Variants in HHIPL1 observed in about 807,000 individuals in gnomAD.
HHIPL1 encodes the protein HHIP-like protein 1.
A neutral mutation model predicts 61.8 loss-of-function variants in HHIPL1; 43 were observed. The observed-to-expected ratio is 0.70, with a 90% CI of 0.55 to 0.90. HHIPL1 has a LOEUF of 0.90. HHIPL1 is among the 40% of genes least tolerant of loss of function. The pLI is 0.00. For synonymous variants in HHIPL1, 482 were observed against 515.8 expected (o/e 0.93, Z 0.89); for missense variants, 1,056 against 1,157.7 (o/e 0.91, Z 1.28).
At position 99,676,191 on chromosome 14, in the gene HHIPL1, T is replaced by C. The variant is rs1370295017; in HGVS notation, c.*565T>C. 3.3e-5 allele frequency: 5 copies of C among 153,178 alleles called. No homozygotes were observed. The highest frequency in any genetic ancestry group is 7.3e-5 in the Non-Finnish European group (5 of 68,892). 9.5% of individuals were successfully genotyped at this position (153,178 alleles called of 1,614,324 possible). A position where few individuals can be genotyped will look rare whatever the true frequency, so the allele number is the denominator to read the frequency against. On this transcript the variant is annotated 3_prime_UTR_variant, in exon 9 of 9. Coordinates refer to ENST00000330710, the MANE Select transcript of HHIPL1 (RefSeq NM_001127258.3). ...GGCATCCAGTGGGGAAGGGAAAGCCTTCTGGAAGGTGGGAGCAGGGTGAGC... is the reference window on the plus strand; with the variant it reads ...GGCATCCAGTGGGGAAGGGAAAGCCCTCTGGAAGGTGGGAGCAGGGTGAGC...
Position 99,660,536 on chromosome 14 carries a change from T to A in HHIPL1, c.1502+130T>A. The A allele has an allele frequency of 8.8e-7, 1 of 1,139,590 alleles. No homozygotes were observed. The highest frequency in any genetic ancestry group is 1.3e-6 in the Non-Finnish European group (1 of 796,436). The allele number at this position is 1,139,590 out of a possible 1,614,324, so 70.6% of individuals were successfully genotyped here. On this transcript the variant is annotated intron_variant, in intron 5 of 8. Coordinates refer to ENST00000330710, the MANE Select transcript of HHIPL1 (RefSeq NM_001127258.3). The surrounding 1 kb of genome is among the most constrained non-coding windows in gnomAD (Gnocchi z 4.9). ...GCCTCGCTGCTCTGACAGGGGCCCC[T>A]AGGTGTGGGCCGGACACCCGCATCC...
intron 4 of HHIPL1, 99 bp downstream of exon 4, chr14:99,659,855 C>CCCT (rs1555377806): frequency 1.8e-6 from 1 of 563,310 alleles, no homozygotes; most frequent in Non-Finnish European, 2.6e-6. Context: ...CACCCCCCCC[C>CCCT]CCCCGGAGAT....
upstream of HHIPL1, chr14:99,645,117 G>A: frequency 8.6e-7 from 1 of 1,160,150 alleles, no homozygotes; most frequent in Non-Finnish European, 1.1e-6. Flanking sequence ...TGTAGGGAAG[G>A]GGAGCGCCCG....
At chr14:99,639,887 C>A in the HHIPL1 span, among the ~76,000 whole-genome samples, 5 of 151,920 alleles carry the variant, frequency 3.3e-5, no homozygotes, top group African/African-American at 1.2e-4. Flanking sequence ...GTCTCGAACT[C>A]CTGACCTCGT....
chr14:99,648,961 G>T (rs2055884092), intron 1 of HHIPL1, among the ~76,000 whole-genome samples: 1 of 152,208 alleles, frequency 6.6e-6, no homozygotes, highest in African/African-American at 2.4e-5. Context: ...TGCACTGAAT[G>T]GCCCGGGCGG....
At chr14:99,634,071 G>C in the HHIPL1 span, among the ~76,000 whole-genome samples, 1 of 152,340 alleles carries the variant, frequency 6.6e-6, no homozygotes, top group South Asian at 2.1e-4. Flanking sequence ...GCTGCAGAGC[G>C]TTTCTGCAGA....
chr14:99,605,127 G>A, the HHIPL1 span, among the ~76,000 whole-genome samples: 1 of 152,168 alleles, frequency 6.6e-6, no homozygotes, highest in African/African-American at 2.4e-5. Context: ...CTCCACCTCC[G>A]CTCACTCGAC....
At chr14:99,637,128 G>GAAAAGAA in the HHIPL1 span, among the ~76,000 whole-genome samples, 2 of 29,506 alleles carry the variant, frequency 6.8e-5, no homozygotes, top group African/African-American at 1.5e-4. Flanking sequence ...AGAAAAGAAA[G>GAAAAGAA]AGAGAGAGAG....
the HHIPL1 span, among the ~76,000 whole-genome samples, chr14:99,632,566 C>A: frequency 6.6e-6 from 1 of 152,184 alleles, no homozygotes; most frequent in Admixed American, 6.5e-5. Flanking sequence ...AAGCTCTGAG[C>A]AGGCTATCAC....
At chr14:99,620,271 G>A in the HHIPL1 span, among the ~76,000 whole-genome samples, 1 of 152,354 alleles carries the variant, frequency 6.6e-6, no homozygotes, top group South Asian at 2.1e-4. Flanking sequence ...GGGCAGAAAG[G>A]AGGCCTTGAA....
In HHIPL1 at chr14:99,660,430, C is replaced by T; in HGVS notation, c.1502+24C>T. 6.3e-7 allele frequency: 1 copy of T among 1,599,408 alleles called. No individual in the cohort carries two copies. ...GGGTAAGTGACCTAGTGCCCTCGCG[C>T]CCCTGGCTGCTGCCACTGGCTCCTT... On this transcript the variant is annotated intron_variant, in intron 5 of 8. Transcript: ENST00000330710. This position sits in a 1 kb window ranked among gnomAD's most constrained non-coding sequence, Gnocchi z 4.9.
the HHIPL1 span, among the ~76,000 whole-genome samples, chr14:99,607,021 C>CTTTT: frequency 1.7e-3 from 117 of 68,424 alleles, 24 homozygotes; most frequent in African/African-American, 7.0e-3. Flanking sequence ...GTGACTTTGC[C>CTTTT]TTTTTTTTTT....
chr14:99,637,092 GAAGGAAGGAA>G, the HHIPL1 span, among the ~76,000 whole-genome samples: 1 of 88,944 alleles, frequency 1.1e-5, no homozygotes, highest in African/African-American at 3.7e-5. Flanking sequence ...AAGAAAGAAA[GAAGGAAGGAA>G]AAAAGAAAGA....
In HHIPL1 at chr14:99,679,709, G is replaced by A. The variant is rs1269745240; in HGVS notation, c.*4083G>A. ...TGAAAAATGAGGTAGCATTGCAGAC[G>A]TGCATGGCACGTACACTCTAGGTTG... On this transcript the variant is annotated 3_prime_UTR_variant, in exon 9 of 9. Transcript: ENST00000330710. The A allele has an allele frequency of 6.6e-6, 1 of 152,256 alleles. No homozygotes were observed. Among genetic ancestry groups the A allele is most frequent in the Admixed American group, 6.5e-5 (1 of 15,290 alleles). The allele number at this position is 152,256 out of a possible 1,614,324, so 9.4% of individuals were successfully genotyped here. A position where few individuals can be genotyped will look rare whatever the true frequency, so the allele number is the denominator to read the frequency against.
the HHIPL1 span, among the ~76,000 whole-genome samples, chr14:99,635,856 T>C: frequency 6.6e-6 from 1 of 151,448 alleles, no homozygotes; most frequent in African/African-American, 2.4e-5. Context: ...TAATCACACA[T>C]ATATAAATGC....
chr14:99,662,137 A>G (rs953414780), intron 5 of HHIPL1, among the ~76,000 whole-genome samples: 1 of 152,078 alleles, frequency 6.6e-6, no homozygotes, highest in African/African-American at 2.4e-5. Context: ...TCAGGCAAGA[A>G]CCAGGATGAC....
intron 8 of HHIPL1, among the ~76,000 whole-genome samples, chr14:99,674,827 G>C (rs1198360158): frequency 6.6e-6 from 1 of 152,198 alleles, no homozygotes; most frequent in Non-Finnish European, 1.5e-5. Context: ...CTGGCACAAA[G>C]CAGTTGATAG....
chr14:99,617,956 C>A, the HHIPL1 span, among the ~76,000 whole-genome samples: 178 of 152,320 alleles, frequency 1.2e-3, no homozygotes, highest in African/African-American at 4.1e-3. Flanking sequence ...AGATTTCTCC[C>A]ATGGCAGATG....
chr14:99,650,118 A>G (rs2055902053), intron 1 of HHIPL1, among the ~76,000 whole-genome samples: 1 of 152,268 alleles, frequency 6.6e-6, no homozygotes, highest in African/African-American at 2.4e-5. Context: ...TAGAGGGGCC[A>G]GGAGGACATG....
Sources: gnomAD v4.1 joint callset for allele counts (sites outside exome capture counted in the v4.1 genomes callset) on GRCh38, gnomAD v4.1.1 for gene constraint, Gnocchi (gnomAD v3.1) non-coding constraint, MANE v1.5 for transcripts, NCBI Gene and HGNC (gene_info 2026-07-23, HGNC 2026-07-21) for gene names.